Variants in CACNA2D4 observed in about 807,000 individuals in gnomAD.
CACNA2D4 encodes voltage-dependent calcium channel subunit alpha-2/delta-4.
A neutral mutation model predicts 163.8 loss-of-function variants in CACNA2D4; 157 were observed. The observed-to-expected ratio is 0.96, with a 90% CI of 0.84 to 1.09. The LOEUF is 1.09. Among genes scored for constraint, CACNA2D4 ranks in the 50% least tolerant of loss-of-function variants. CACNA2D4 has a pLI of 0.00. For missense variants in CACNA2D4, 1,410 were observed against 1,479.9 expected, an observed-to-expected ratio of 0.95 and a Z score of 0.78; for synonymous variants, 598 against 586.9, an observed-to-expected ratio of 1.02 and a Z score of -0.27.
rs1481173193 is a variant in CACNA2D4, at chr12:1,843,147, C to CA, written c.2470+1254dup. On this transcript the variant is annotated intron_variant, in intron 25 of 37. Transcript: ENST00000382722. This position sits in a 1 kb window ranked among gnomAD's most constrained non-coding sequence, Gnocchi z 4.6. The stretch of plus-strand genomic sequence containing the variant: ...TTTTGTGAAGCATAGTAGTTATTTG[C>CA]ACGTGTGTGGAGGGAACAGCACAGG... 6.6e-6 allele frequency among the ~76,000 whole-genome samples: 1 copy of CA among 152,140 alleles called. No homozygotes were observed. The highest frequency in any genetic ancestry group is 1.5e-5 in the Non-Finnish European group (1 of 68,020).
chr12:1,912,029 G>A (rs953679831), intron 3 of CACNA2D4, among the ~76,000 whole-genome samples: 5 of 152,302 alleles, frequency 3.3e-5, no homozygotes, highest in African/African-American at 9.6e-5. Context: ...TATAACAAGT[G>A]GGAAAGAAGG....
chr12:1,885,982 C>T lies in CACNA2D4; in HGVS notation c.1051G>A (p.Asp351Asn), dbSNP rs1240696658. The T allele has an allele frequency of 6.2e-7, 1 of 1,613,174 alleles. No homozygotes were observed. The highest frequency in any genetic ancestry group is 8.5e-7 in the Non-Finnish European group (1 of 1,179,478). ...PCFKGILVQA[D>N]RDNREHFKLL... ...ACACTCACCTCTCGATTGTCTCGGTCCGCCTGGACGAGGATCCCTTTAAAA... is the reference window on the plus strand; with the variant it reads ...ACACTCACCTCTCGATTGTCTCGGTTCGCCTGGACGAGGATCCCTTTAAAA... The change falls in exon 9 of 38, where the codon GAC becomes AAC. Residue 351 changes from aspartate (D) to asparagine (N), a missense_variant. Coordinates refer to ENST00000382722, the MANE Select transcript of CACNA2D4 (RefSeq NM_172364.5).
intron 13 of CACNA2D4, among the ~76,000 whole-genome samples, chr12:1,880,096 G>A (rs1422991107): frequency 1.3e-5 from 2 of 152,220 alleles, no homozygotes; most frequent in Non-Finnish European, 2.9e-5. Context: ...TGGAGGGCAG[G>A]ACCAGGCTGA....
At chr12:1,873,207 C>A (rs1420582896) in intron 18 of CACNA2D4, among the ~76,000 whole-genome samples, 1 of 152,144 alleles carries the variant, frequency 6.6e-6, no homozygotes, top group African/African-American at 2.4e-5. Context: ...AGACATGAAC[C>A]CCTAAGTGCC....
intron 29 of CACNA2D4, among the ~76,000 whole-genome samples, chr12:1,805,187 C>A (rs975844409): frequency 6.6e-6 from 1 of 152,152 alleles, no homozygotes; most frequent in African/African-American, 2.4e-5. Flanking sequence ...AGGACCCCCC[C>A]TGCCTGGCCT....
rs1248850882 is a variant in CACNA2D4, at chr12:1,878,880, AGAGGCTCCCATCACGGGG to A, written c.1644+58_1644+75del. ...AGCTCTGGGCTTGGCTTGCCTGGAG[AGAGGCTCCCATCACGGGG>A]GAGGGAGTTTGCTCCTGGGGAACCT... On this transcript the variant is annotated intron_variant, in intron 15 of 37. Transcript: ENST00000382722. This position sits in a 1 kb window ranked among gnomAD's most constrained non-coding sequence, Gnocchi z 4.6. 73 of 1,375,758 alleles carry A rather than the reference AGAGGCTCCCATCACGGGG, an allele frequency of 5.3e-5. 1 individual carries two copies. In the Admixed American group the frequency reaches 1.2e-3, roughly 23 times the overall value. The allele number at this position is 1,375,758 out of a possible 1,614,324, so 85.2% of individuals were successfully genotyped here.
Position 1,842,413 on chromosome 12 carries a change from T to G in CACNA2D4, c.2471-1594A>C, listed in dbSNP as rs966834977. Among the ~76,000 whole-genome samples the G allele has an allele frequency of 2.6e-5, 4 of 152,304 alleles. No homozygotes were observed. In the South Asian group the frequency reaches 8.3e-4, roughly 32 times the overall value. Reference sequence around the variant, plus strand: ...CTCACCCTGGAGGCAGCTCGTCCTCTTTTCCCCCTTGAAACGCGGTTGTTT... The same window carrying G: ...CTCACCCTGGAGGCAGCTCGTCCTCGTTTCCCCCTTGAAACGCGGTTGTTT... On this transcript the variant is annotated intron_variant, in intron 25 of 37. Transcript: ENST00000382722.
In CACNA2D4 at chr12:1,871,573, G is replaced by A. The variant is rs572240618; in HGVS notation, c.1878+3031C>T. 1.0e-4 allele frequency among the ~76,000 whole-genome samples: 15 copies of A among 150,648 alleles called. 1 individual carries two copies. Among genetic ancestry groups the A allele is most frequent in the South Asian group, 8.4e-4 (4 of 4,742 alleles). On this transcript the variant is annotated intron_variant, in intron 18 of 37. Coordinates refer to ENST00000382722, the MANE Select transcript of CACNA2D4 (RefSeq NM_172364.5). ...TACACGTGTGTGCTGGTGTGTGTAC[G>A]TGTGTGTTGCTGGTGTATGTGTGTA... is the stretch of plus-strand genomic sequence containing the variant.
Position 1,856,032 on chromosome 12 carries a change from C to T in CACNA2D4, c.2132G>A (p.Arg711Lys). 1 of 1,613,952 alleles carries T rather than the reference C, an allele frequency of 6.2e-7. No homozygotes were observed. The highest frequency in any genetic ancestry group is 8.5e-7 in the Non-Finnish European group (1 of 1,179,824). Reference protein sequence around the residue: ...QLEAMIRFLTRKDPDLECDEE... With the variant: ...QLEAMIRFLTKKDPDLECDEE... ...CTCACACTCCAGGTCTGGGTCCTTC[C>T]TGGTGAGGAAGCGGATCATGGCCTC... The change falls in exon 22 of 38, where the codon AGG (arginine) becomes AAG (lysine). Residue 711 changes from arginine to lysine, a missense_variant. Physicochemically the swap from Arg to Lys is conservative, Grantham distance 26. Coordinates refer to ENST00000382722, the MANE Select transcript of CACNA2D4 (RefSeq NM_172364.5).
chr12:1,866,106 T>C lies in CACNA2D4; in HGVS notation c.1879-5900A>G, dbSNP rs1018220539. ...CTTGTTCTCAATTTTAGGGTGAGAG[T>C]GTTCAATATTTTACCATCAAAAGTT... On this transcript the variant is annotated intron_variant, in intron 18 of 37. Coordinates refer to ENST00000382722, the MANE Select transcript of CACNA2D4 (RefSeq NM_172364.5). Among the ~76,000 whole-genome samples, 9 of 152,146 alleles carry C rather than the reference T, an allele frequency of 5.9e-5. 1 individual carries two copies. The highest frequency in any genetic ancestry group is 5.9e-4 in the Admixed American group (9 of 15,266).
Position 1,907,556 on chromosome 12 carries a change from T to C in CACNA2D4, c.665A>G (p.Asn222Ser), listed in dbSNP as rs774888697. 1 of 1,613,060 alleles carries C rather than the reference T, an allele frequency of 6.2e-7. No homozygotes were observed. The highest frequency in any genetic ancestry group is 8.5e-7 in the Non-Finnish European group (1 of 1,179,252). ...NVYNKDPDILNGVYMSEALNA... is the reference protein window; with the variant it reads ...NVYNKDPDILSGVYMSEALNA... ...CAAGGCTTCAGACATGTAGACTCCATTTAAAATATCTGGGTCTGAAGGGTG... is the reference window on the plus strand; with the variant it reads ...CAAGGCTTCAGACATGTAGACTCCACTTAAAATATCTGGGTCTGAAGGGTG... The change falls in exon 6 of 38, where the codon AAT becomes AGT. Residue 222 changes from asparagine to serine, a missense_variant. Asn to Ser is a conservative substitution (Grantham distance 46, BLOSUM62 1). Transcript: ENST00000382722.
intron 1 of CACNA2D4, among the ~76,000 whole-genome samples, chr12:1,915,807 G>A (rs1302401052): frequency 6.6e-6 from 1 of 152,212 alleles, no homozygotes; most frequent in Non-Finnish European, 1.5e-5. Context: ...CTCTCCAGAT[G>A]GAGCGGAAGT....
At chr12:1,858,882 T>C (rs1484570106) in intron 19 of CACNA2D4, among the ~76,000 whole-genome samples, 1 of 152,126 alleles carries the variant, frequency 6.6e-6, no homozygotes, top group African/African-American at 2.4e-5. Context: ...GGCCATTCTG[T>C]AGACCAAGAG....
chr12:1,800,926 A>G, intron 31 of CACNA2D4, 117 bp downstream of exon 31: 1 of 874,086 alleles, frequency 1.1e-6, no homozygotes, highest in Non-Finnish European at 1.8e-6. Flanking sequence ...TGGTCAAGGT[A>G]GGGCCCTGGG....
In CACNA2D4 at chr12:1,869,035, G is replaced by A. The variant is rs1227906789; in HGVS notation, c.1878+5569C>T. Among the ~76,000 whole-genome samples, 1 of 152,114 alleles carries A rather than the reference G, an allele frequency of 6.6e-6. No individual in the cohort carries two copies. Among genetic ancestry groups the A allele is most frequent in the Non-Finnish European group, 1.5e-5 (1 of 68,024 alleles). ...ATTTTGGTATCTTTGGGGTGTCCTGGTCCAATCCCCATGGATGCTGAGGGA... is the reference window on the plus strand; with the variant it reads ...ATTTTGGTATCTTTGGGGTGTCCTGATCCAATCCCCATGGATGCTGAGGGA... On this transcript the variant is annotated intron_variant, in intron 18 of 37. Coordinates refer to ENST00000382722, the MANE Select transcript of CACNA2D4 (RefSeq NM_172364.5). This position sits in a 1 kb window ranked among gnomAD's most constrained non-coding sequence, Gnocchi z 4.7.
At position 1,844,712 on chromosome 12, in the gene CACNA2D4, T is replaced by C. The variant is rs1346156177; in HGVS notation, c.2343-183A>G. ...TTTCCAGAAACAAAACGATGTCATG[T>C]TGCATCTAGCTAGCAGCTGGAAGAG... On this transcript the variant is annotated intron_variant, in intron 24 of 37. Transcript: ENST00000382722. This position sits in a 1 kb window ranked among gnomAD's most constrained non-coding sequence, Gnocchi z 4.2. Among the ~76,000 whole-genome samples the C allele has an allele frequency of 6.6e-6, 1 of 152,248 alleles. No individual in the cohort carries two copies. Among genetic ancestry groups the C allele is most frequent in the African/African-American group, 2.4e-5 (1 of 41,468 alleles).
rs1261665730 is a variant in CACNA2D4 at position 1,856,199 on chromosome 12, G to C, written c.2039C>G (p.Ala680Gly). Residue 680 changes from alanine (A) to glycine (G), a missense_variant, in exon 21 of 38, where the codon GCC becomes GGC. Transcript: ENST00000382722. The stretch of plus-strand genomic sequence containing the variant: ...CCTCACTTACCAGTCACCGGCCAGG[G>C]CCAGGTCTGGGTGAAGCAAGTCATG... ...GLHDLLHPDL[A>G]LAGDWIYCIT... 6.2e-7 allele frequency: 1 copy of C among 1,613,992 alleles called. No homozygotes were observed. Among genetic ancestry groups the C allele is most frequent in the South Asian group, 1.1e-5 (1 of 91,090 alleles).
Position 1,860,828 on chromosome 12 carries a change from AT to A in CACNA2D4, c.1879-623del, listed in dbSNP as rs551448867. Among the ~76,000 whole-genome samples the A allele has an allele frequency of 1.2e-3, 184 of 152,350 alleles. 1 individual carries two copies. The highest frequency in any genetic ancestry group is 4.2e-3 in the African/African-American group (173 of 41,584). On this transcript the variant is annotated intron_variant, in intron 18 of 37. Transcript: ENST00000382722. ...ATCTTTTAGCCTTGGTTTACTTTGT[AT>A]AAACTAGGGCATCATGTAGTACAAA...
chr12:1,831,753 A>ACCCCCCCCCC (rs1864642482), intron 26 of CACNA2D4, among the ~76,000 whole-genome samples: 2 of 64,486 alleles, frequency 3.1e-5, no homozygotes, highest in African/African-American at 5.9e-5. Context: ...CTCCACCCCC[A>ACCCCCCCCCC]CCCTCCCCTC....
Sources: gnomAD v4.1 joint callset for allele counts (sites outside exome capture counted in the v4.1 genomes callset) on GRCh38, gnomAD v4.1.1 for gene constraint, Gnocchi (gnomAD v3.1) non-coding constraint, MANE v1.5 for transcripts, NCBI Gene and HGNC (gene_info 2026-07-23, HGNC 2026-07-21) for gene names.